The following PHF21A variants were observed in gnomAD, a reference collection of about 807,000 sequenced individuals.
PHF21A encodes BHC80a.
A neutral mutation model predicts 82.5 loss-of-function variants in PHF21A; 11 were observed. The ratio of observed to expected loss-of-function variants is 0.13; its 90% CI spans 0.08 to 0.22. PHF21A has a LOEUF of 0.22. Ranked by LOEUF, PHF21A falls within the 10% of genes least tolerant of loss-of-function variation. The probability of loss-of-function intolerance (pLI) is 1.00; values close to 1 mark genes in which losing one functional copy is unlikely to be tolerated. For synonymous variants in PHF21A, 297 were observed against 302.8 expected, an observed-to-expected ratio of 0.98 and a Z score of 0.20; for missense variants, 579 against 837.8, an observed-to-expected ratio of 0.69 and a Z score of 3.81.
intron 15 of PHF21A, among the ~76,000 whole-genome samples, chr11:45,939,617 G>A (rs1304176049): frequency 6.6e-6 from 1 of 151,938 alleles, no homozygotes; most frequent in Non-Finnish European, 1.5e-5. Context: ...GGAAAAAGAC[G>A]AGCAGCCCCA....
Position 45,948,932 on chromosome 11 carries a change from T to G in PHF21A, c.1242A>C (p.Ala414=). 6.2e-7 allele frequency: 1 copy of G among 1,613,982 alleles called. No homozygotes were observed. Among genetic ancestry groups the G allele is most frequent in the South Asian group, 1.1e-5 (1 of 91,066 alleles). ...AVFEPERKKS[A]VTYLNSTMHP... ...GCATTGTGCTGTTTAGGTATGTCAC[T>G]GCACTCTTCTTACGCTTTGAGGGTT... The change falls in exon 14 of 19, where the codon GCA becomes GCC. Residue 414 remains alanine (A), a synonymous_variant. Coordinates refer to ENST00000676320, the MANE Select transcript of PHF21A (RefSeq NM_001352027.3).
chr11:45,975,322 C>CAAAATAAAAT (rs58576083), intron 7 of PHF21A, among the ~76,000 whole-genome samples: 1,937 of 112,104 alleles, frequency 0.017, 52 homozygotes, highest in African/African-American at 0.048. Flanking sequence ...TCAAAGAAAA[C>CAAAATAAAAT]AAAATAAAAT....
At chr11:46,020,935 A>G (rs1265551327) in intron 6 of PHF21A, among the ~76,000 whole-genome samples, 1 of 152,146 alleles carries the variant, frequency 6.6e-6, no homozygotes, top group African/African-American at 2.4e-5. Flanking sequence ...TAAACTGAAA[A>G]TATTCTAAGT....
chr11:46,069,674 T>C (rs1281475808), intron 6 of PHF21A, among the ~76,000 whole-genome samples: 1 of 152,204 alleles, frequency 6.6e-6, no homozygotes, highest in Non-Finnish European at 1.5e-5. Flanking sequence ...TAAAACTGAA[T>C]GAAGAGTACA....
chr11:45,958,193 T>C (rs1249558917), intron 10 of PHF21A, among the ~76,000 whole-genome samples: 1 of 151,006 alleles, frequency 6.6e-6, no homozygotes, highest in Non-Finnish European at 1.5e-5. Flanking sequence ...ATTTAAAGAA[T>C]TAGCACCAAT....
At chr11:46,065,208 T>C (rs1667626376) in intron 6 of PHF21A, among the ~76,000 whole-genome samples, 2 of 152,236 alleles carry the variant, frequency 1.3e-5, no homozygotes, top group African/African-American at 2.4e-5. Context: ...CAAATCAGTC[T>C]TGGACTCCTC....
chr11:45,937,391 A>G (rs1224388267), intron 16 of PHF21A, among the ~76,000 whole-genome samples: 1 of 152,270 alleles, frequency 6.6e-6, no homozygotes, highest in Non-Finnish European at 1.5e-5. Flanking sequence ...TTGCCTTTTA[A>G]GTCTATAAAA....
chr11:46,042,390 A>G (rs139562439), intron 6 of PHF21A, among the ~76,000 whole-genome samples: 1 of 152,180 alleles, frequency 6.6e-6, no homozygotes, highest in East Asian at 1.9e-4. Flanking sequence ...TGATAGTGCA[A>G]CTCCGGAAAG....
At chr11:46,019,138 T>A (rs915872751) in intron 6 of PHF21A, among the ~76,000 whole-genome samples, 8 of 152,110 alleles carry the variant, frequency 5.3e-5, no homozygotes, top group Non-Finnish European at 8.8e-5. Context: ...ATTTGCAAAC[T>A]TTTGTGGCTG....
intron 1 of PHF21A, among the ~76,000 whole-genome samples, chr11:46,102,433 T>C (rs1308316422): frequency 1.3e-5 from 2 of 152,244 alleles, no homozygotes; most frequent in Admixed American, 1.3e-4. Flanking sequence ...GATCAATATA[T>C]AATAAGGCAT....
chr11:46,038,697 G>A (rs906584586), intron 6 of PHF21A, among the ~76,000 whole-genome samples: 3 of 152,146 alleles, frequency 2.0e-5, no homozygotes, highest in Admixed American at 1.3e-4. Context: ...AGGCAGCACA[G>A]GGTATCACAT....
At chr11:45,936,343 G>A in intron 17 of PHF21A, 151 bp downstream of exon 17, 1 of 534,882 alleles carries the variant, frequency 1.9e-6, no homozygotes, top group Non-Finnish European at 3.3e-6. Context: ...CCAATAAAAA[G>A]TTTTCATTTG....
intron 7 of PHF21A, among the ~76,000 whole-genome samples, chr11:45,974,384 G>A (rs2093922017): frequency 6.6e-6 from 1 of 151,820 alleles, no homozygotes; most frequent in African/African-American, 2.4e-5. Context: ...GAAGGAGGAA[G>A]AAGAGACATA....
At chr11:46,079,717 A>C (rs1036523218) in intron 4 of PHF21A, among the ~76,000 whole-genome samples, 15 of 152,184 alleles carry the variant, frequency 9.9e-5, no homozygotes, top group African/African-American at 3.6e-4. Context: ...TTTGAGAACA[A>C]GGAAGTGCAG....
At chr11:46,101,208 G>A (rs1235312343) in intron 1 of PHF21A, among the ~76,000 whole-genome samples, 3 of 152,306 alleles carry the variant, frequency 2.0e-5, no homozygotes, top group South Asian at 4.1e-4. Context: ...AATCTGTCCA[G>A]CAGGCATCGT....
chr11:46,039,357 G>C (rs1295971691), intron 6 of PHF21A, among the ~76,000 whole-genome samples: 1 of 152,078 alleles, frequency 6.6e-6, no homozygotes, highest in Non-Finnish European at 1.5e-5. Context: ...TCTGCTTATA[G>C]TTACAAATAA....
At position 45,969,893 on chromosome 11, in the gene PHF21A, T is replaced by G; in HGVS notation, c.624A>C (p.Ala208=). ...GTACTTTGATGGGCTGAGGAGGTGT[T>G]GCCTGAACCTGCTAAAAAATGAGGA... ...AKNTVTLQVQ[A]TPPQPIKVPQ... Residue 208 remains alanine, a synonymous_variant, in exon 9 of 19, where the codon GCA becomes GCC. Transcript: ENST00000676320. 6.2e-7 allele frequency: 1 copy of G among 1,611,424 alleles called. No homozygotes were observed. Among genetic ancestry groups the G allele is most frequent in the Non-Finnish European group, 8.5e-7 (1 of 1,177,802 alleles).
chr11:45,952,901 T>A (rs1421873045), intron 11 of PHF21A, among the ~76,000 whole-genome samples: 2 of 152,268 alleles, frequency 1.3e-5, no homozygotes, highest in Non-Finnish European at 2.9e-5. Context: ...AAAATTTGCT[T>A]GTCTAAGGAC....
At chr11:45,989,734 C>G (rs1167571088) in intron 6 of PHF21A, among the ~76,000 whole-genome samples, 3 of 151,856 alleles carry the variant, frequency 2.0e-5, no homozygotes, top group Non-Finnish European at 4.4e-5. Flanking sequence ...CACAGTGGCT[C>G]ATGCCTATAA....
Sources: gnomAD v4.1 joint callset for allele counts (sites outside exome capture counted in the v4.1 genomes callset) on GRCh38, gnomAD v4.1.1 for gene constraint, MANE v1.5 for transcripts, NCBI Gene and HGNC (gene_info 2026-07-23, HGNC 2026-07-21) for gene names.